Variants in TENM4 observed in about 807,000 individuals in gnomAD.
The protein encoded by TENM4 is teneurin transmembrane protein 4.
TENM4 carries 82 observed loss-of-function variants against 243.3 expected under a neutral mutation model. The observed-to-expected ratio is 0.34, with a 90% confidence interval of 0.28 to 0.40. The LOEUF (loss-of-function observed/expected upper bound fraction) is 0.40, where lower values mean the gene tolerates loss of function less well. Among genes scored for constraint, TENM4 ranks in the 10% least tolerant of loss-of-function variants. The pLI is 1.00. For synonymous variants in TENM4, 1,412 were observed against 1,456.3 expected, an observed-to-expected ratio of 0.97 and a Z score of 0.69; for missense variants, 3,138 against 3,673.3, an observed-to-expected ratio of 0.85 and a Z score of 3.77.
At chr11:78,811,160 C>T (rs1325986181) in intron 14 of TENM4, among the ~76,000 whole-genome samples, 1 of 152,188 alleles carries the variant, frequency 6.6e-6, no homozygotes, top group Non-Finnish European at 1.5e-5. Flanking sequence ...GACAAGGGAA[C>T]TGAGGCTAGT....
intron 6 of TENM4, among the ~76,000 whole-genome samples, chr11:78,990,725 C>T (rs564399456): frequency 6.6e-6 from 1 of 152,032 alleles, no homozygotes; most frequent in Admixed American, 6.6e-5. Context: ...TGCTAAAGAC[C>T]TTTACTTTTC....
intron 1 of TENM4, among the ~76,000 whole-genome samples, chr11:79,326,881 T>C (rs567352): frequency 0.84 from 127,264 of 151,918 alleles, 53,949 homozygotes; most frequent in African/African-American, 0.95. Context: ...TTTTGGTAAA[T>C]ATCTATTCAC....
chr11:79,196,256 C>A (rs531500664), intron 3 of TENM4, among the ~76,000 whole-genome samples: 1 of 152,072 alleles, frequency 6.6e-6, no homozygotes, highest in African/African-American at 2.4e-5. Context: ...GGAGATAGCA[C>A]CAACCTGAGC....
intron 2 of TENM4, among the ~76,000 whole-genome samples, chr11:79,268,586 T>C (rs1481467606): frequency 2.6e-5 from 4 of 152,166 alleles, no homozygotes; most frequent in Non-Finnish European, 5.9e-5. Context: ...AGAAATGTAC[T>C]TGTAACCCCA....
chr11:79,020,236 C>T (rs1030601386), intron 6 of TENM4, among the ~76,000 whole-genome samples: 2 of 152,158 alleles, frequency 1.3e-5, no homozygotes, highest in Non-Finnish European at 2.9e-5. Context: ...CTGGGACCAG[C>T]CTTAGCCATC....
chr11:78,694,209 T>C lies in TENM4; in HGVS notation c.5088-5983A>G, dbSNP rs564004253. ...ACTTTTGCTGATCTTAACTTTTCGG[T>C]TAAAAAATAAGATTTGATTTGTATG... On this transcript the variant is annotated intron_variant, in intron 28 of 33. Transcript: ENST00000278550. Among the ~76,000 whole-genome samples, 27 of 152,346 alleles carry C rather than the reference T, an allele frequency of 1.8e-4. No individual in the cohort carries two copies. The South Asian group carries it at 5.4e-3, about 30-fold the overall frequency.
chr11:79,328,786 G>A (rs1262982352), intron 1 of TENM4, among the ~76,000 whole-genome samples: 6 of 58,780 alleles, frequency 1.0e-4, no homozygotes, highest in Non-Finnish European at 2.1e-4. Context: ...TGTTAAGCAT[G>A]CATATATATA....
chr11:79,098,051 T>A (rs1477446287), intron 4 of TENM4: 13 of 152,236 alleles, frequency 8.5e-5, no homozygotes, highest in African/African-American at 3.1e-4. Context: ...ATTTATCCCA[T>A]AACTAATGAA....
chr11:79,119,962 G>C (rs538570559), intron 4 of TENM4, among the ~76,000 whole-genome samples: 1 of 152,144 alleles, frequency 6.6e-6, no homozygotes, highest in South Asian at 2.1e-4. Context: ...GACATATTCC[G>C]TTGGCACCAG....
At chr11:79,128,367 T>A (rs1196075392) in intron 4 of TENM4, among the ~76,000 whole-genome samples, 1 of 152,168 alleles carries the variant, frequency 6.6e-6, no homozygotes, top group Non-Finnish European at 1.5e-5. Flanking sequence ...GACCCATCTA[T>A]CCATAAAGTG....
chr11:78,812,277 AT>A lies in TENM4; in HGVS notation c.1822del (p.Met608Ter). The part of the protein sequence containing the change: ...PVLCSGNGQY[M>X]KGRCLCHSGW... The stretch of plus-strand genomic sequence containing the variant: ...ACTGTGGCACAAGCATCTGCCTTTC[AT>A]GTATTGGCCATTTCCGCTACAGAGC... On this transcript the variant is annotated frameshift_variant, in exon 14 of 34. Transcript: ENST00000278550. LOFTEE classifies it high-confidence loss of function. 6.4e-7 allele frequency: 1 copy of A among 1,551,818 alleles called. No individual in the cohort carries two copies. Among genetic ancestry groups the A allele is most frequent in the Admixed American group, 2.0e-5 (1 of 51,006 alleles).
chr11:79,344,445 G>A (rs1857294035), intron 1 of TENM4, among the ~76,000 whole-genome samples: 1 of 152,202 alleles, frequency 6.6e-6, no homozygotes, highest in Non-Finnish European at 1.5e-5. Context: ...AGGCCCATGA[G>A]GAGATCTCAT....
chr11:79,278,882 C>A lies in TENM4; in HGVS notation c.-265+18606G>T, dbSNP rs555813919. ...GATTGTTTTCAAGGTGAGGCCTGGG[C>A]TCTTCATCCTCCAGAAACCAACAGA... On this transcript the variant is annotated intron_variant, in intron 2 of 33. Coordinates refer to ENST00000278550, the MANE Select transcript of TENM4 (RefSeq NM_001098816.3). Among the ~76,000 whole-genome samples the A allele has an allele frequency of 2.6e-5, 4 of 152,268 alleles. No individual in the cohort carries two copies. The South Asian group carries it at 6.2e-4, about 24-fold the overall frequency.
intron 1 of TENM4, among the ~76,000 whole-genome samples, chr11:79,385,700 T>C (rs763639077): frequency 5.3e-5 from 8 of 149,702 alleles, no homozygotes; most frequent in Non-Finnish European, 1.2e-4. Flanking sequence ...GTGAGATTTA[T>C]CCATGTTATT....
At chr11:78,783,698 T>C (rs1291140941) in intron 16 of TENM4, among the ~76,000 whole-genome samples, 1 of 152,248 alleles carries the variant, frequency 6.6e-6, no homozygotes, top group East Asian at 1.9e-4. Flanking sequence ...ATATTTTTGC[T>C]GTTTGACAAA....
chr11:79,034,360 T>C (rs1202895421), intron 6 of TENM4, among the ~76,000 whole-genome samples: 1 of 152,152 alleles, frequency 6.6e-6, no homozygotes, highest in Non-Finnish European at 1.5e-5. Flanking sequence ...GCCTTGTAAT[T>C]TGTAGCATCC....
rs80252900 is a variant in TENM4, at chr11:79,080,724, T to C, written c.-65-10715A>G. 2.9e-3 allele frequency among the ~76,000 whole-genome samples: 449 copies of C among 152,336 alleles called. 18 individuals are homozygous for C. In the East Asian group the frequency reaches 0.07, roughly 24 times the overall value. On this transcript the variant is annotated intron_variant, in intron 4 of 33. Coordinates refer to ENST00000278550, the MANE Select transcript of TENM4 (RefSeq NM_001098816.3). ...CTGAGTTTCCTTGTAAGCAGCACTT[T>C]GGGAAATTGCCAGTCTCTTCTGTAC...
chr11:79,288,860 A>T (rs1285596211), intron 2 of TENM4, among the ~76,000 whole-genome samples: 4 of 152,020 alleles, frequency 2.6e-5, no homozygotes, highest in African/African-American at 9.7e-5. Context: ...AATGGGTGAG[A>T]TGACAAGATA....
chr11:79,332,859 T>C (rs1413202788), intron 1 of TENM4, among the ~76,000 whole-genome samples: 2 of 152,126 alleles, frequency 1.3e-5, no homozygotes, highest in Non-Finnish European at 2.9e-5. Context: ...ATGAGAGCAA[T>C]GTGAATCATT....
Sources: gnomAD v4.1 joint callset for allele counts (sites outside exome capture counted in the v4.1 genomes callset) on GRCh38, gnomAD v4.1.1 for gene constraint, MANE v1.5 for transcripts, NCBI Gene and HGNC (gene_info 2026-07-23, HGNC 2026-07-21) for gene names.